PCLAF: variants seen among roughly 807,000 people sequenced by gnomAD.
PCLAF encodes PCNA-associated factor.
A neutral mutation model predicts 15.1 loss-of-function variants in PCLAF; 12 were observed. That is an observed-to-expected ratio of 0.79 (90% confidence interval 0.51 to 1.29). PCLAF has a LOEUF of 1.29. Among genes scored for constraint, PCLAF ranks in the 50% most tolerant of loss-of-function variants. PCLAF has a pLI of 0.00. For synonymous variants in PCLAF, 33 were observed against 47.1 expected (o/e 0.70, Z 1.22); for missense variants, 116 against 130.9 (o/e 0.89, Z 0.56).
At chr15:64,377,470 CAAAAAAAA>C (rs771209859) in intron 2 of PCLAF, among the ~76,000 whole-genome samples, 1 of 914 alleles carries the variant, frequency 1.1e-3, no homozygotes, top group Non-Finnish European at 3.3e-3. Context: ...GACTCTGTCT[CAAAAAAAA>C]AAAAAAAAAA....
chr15:64,376,094 G>A (rs1362331713), intron 3 of PCLAF, among the ~76,000 whole-genome samples: 1 of 152,014 alleles, frequency 6.6e-6, no homozygotes, highest in Non-Finnish European at 1.5e-5. Flanking sequence ...GCGTGGTGGC[G>A]TGTGCCTGTA....
At chr15:64,385,709 G>T (rs1206223506), upstream of PCLAF, among the ~76,000 whole-genome samples, 5 of 152,126 alleles carry the variant, frequency 3.3e-5, no homozygotes, top group Admixed American at 3.3e-4. Context: ...GCCTTTGAGG[G>T]TATTTCCAAA....
chr15:64,380,337 C>G (rs1006238392), intron 2 of PCLAF, among the ~76,000 whole-genome samples: 10 of 151,904 alleles, frequency 6.6e-5, no homozygotes, highest in African/African-American at 2.4e-4. Context: ...GAACCAAGAT[C>G]ACACCGTTGC....
At chr15:64,367,900 CT>C (rs60369821) in intron 3 of PCLAF, among the ~76,000 whole-genome samples, 139,433 of 149,762 alleles carry the variant, frequency 0.93, 65,457 homozygotes, top group East Asian at 1. Context: ...TCAAAAACTA[CT>C]TTTTTTTTTT....
At chr15:64,387,449 C>A (rs1225449365) in exon 1 of PCLAF, 1 of 1,234,320 alleles carries the variant, frequency 8.1e-7, no homozygotes, top group African/African-American at 1.6e-5. Context: ...AAACTTACAG[C>A]GCTTACAATA....
chr15:64,376,443 C>T lies in PCLAF; in HGVS notation c.290+300G>A, dbSNP rs141715677. The stretch of plus-strand genomic sequence containing the variant: ...TGTCCCCCAGACTGGAGGGCAGTGG[C>T]GTGAAAATGAGATACATGTGCATTA... On this transcript the variant is annotated intron_variant, in intron 3 of 3. Transcript: ENST00000300035. Among the ~76,000 whole-genome samples the T allele has an allele frequency of 7.8e-3, 1,183 of 151,960 alleles. 3 individuals are homozygous for T. The highest frequency in any genetic ancestry group is 0.017 in the Middle Eastern group (5 of 294).
At chr15:64,381,246 G>A (rs1203254797) in intron 1 of PCLAF, 80 bp downstream of exon 1, 2 of 1,529,170 alleles carry the variant, frequency 1.3e-6, no homozygotes, top group Non-Finnish European at 9.1e-7. Context: ...GGGCCCAGGG[G>A]GACCTCTGGC....
At chr15:64,374,933 A>C (rs1566965968) in intron 3 of PCLAF, among the ~76,000 whole-genome samples, 1 of 151,940 alleles carries the variant, frequency 6.6e-6, no homozygotes, top group Non-Finnish European at 1.5e-5. Flanking sequence ...AAACTCGGAA[A>C]CTTTTTTTTA....
In PCLAF at chr15:64,381,313, TCGATCGC is replaced by T; in HGVS notation, c.46+6_46+12del. 6.2e-7 allele frequency: 1 copy of T among 1,613,942 alleles called. No individual in the cohort carries two copies. Among genetic ancestry groups the T allele is most frequent in the Non-Finnish European group, 8.5e-7 (1 of 1,179,922 alleles). On this transcript the variant is annotated splice_donor_region_variant and intron_variant, in intron 1 of 3. Coordinates refer to ENST00000300035, the MANE Select transcript of PCLAF (RefSeq NM_014736.6). ...ACCCCCCCGCCCTCCAGTACCACAC[TCGATCGC>T]CTCACCTTTTCTGTAAGTGCCTGGA...
chr15:64,369,064 A>G (rs1899169863), intron 3 of PCLAF, among the ~76,000 whole-genome samples: 1 of 152,160 alleles, frequency 6.6e-6, no homozygotes, highest in Non-Finnish European at 1.5e-5. Flanking sequence ...GCTTTATCCA[A>G]AATGTATCCC....
chr15:64,376,810 C>T lies in PCLAF; in HGVS notation c.223G>A (p.Asp75Asn). 1 of 1,614,038 alleles carries T rather than the reference C, an allele frequency of 6.2e-7. No homozygotes were observed. Among genetic ancestry groups the T allele is most frequent in the Non-Finnish European group, 8.5e-7 (1 of 1,179,956 alleles). ...IGEFFRLSPK[D>N]SEKENQIPEE... ...GGAATCTGATTCTCTTTTTCAGAATCTTTAGGGGACAACCTAAAGAATTCT... is the reference window on the plus strand; with the variant it reads ...GGAATCTGATTCTCTTTTTCAGAATTTTTAGGGGACAACCTAAAGAATTCT... Residue 75 changes from aspartate to asparagine, a missense_variant, in exon 3 of 4, where the codon GAT becomes AAT. Coordinates refer to ENST00000300035, the MANE Select transcript of PCLAF (RefSeq NM_014736.6).
At chr15:64,386,851 G>T (rs1227926554) in intron 1 of PCLAF, among the ~76,000 whole-genome samples, 2 of 152,110 alleles carry the variant, frequency 1.3e-5, no homozygotes, top group Admixed American at 6.6e-5. Flanking sequence ...TAGTAGAAAT[G>T]AAGAACTTTT....
chr15:64,375,193 C>T (rs1056926299), intron 3 of PCLAF, among the ~76,000 whole-genome samples: 27 of 152,074 alleles, frequency 1.8e-4, no homozygotes, highest in Non-Finnish European at 3.2e-4. Flanking sequence ...GGTGCGATCT[C>T]AGCTCACTGC....
In PCLAF at chr15:64,375,314, C is replaced by T. The variant is rs530142579; in HGVS notation, c.290+1429G>A. Among the ~76,000 whole-genome samples the T allele has an allele frequency of 6.4e-4, 97 of 151,950 alleles. 1 individual carries two copies. The highest frequency in any genetic ancestry group is 1.3e-3 in the Non-Finnish European group (87 of 67,992). Reference sequence around the variant, plus strand: ...TAATTTTTTGTATTTTTAGTAGAGACGGGGTTTCACCATGTTGCAGGATGG... The same window carrying T: ...TAATTTTTTGTATTTTTAGTAGAGATGGGGTTTCACCATGTTGCAGGATGG... On this transcript the variant is annotated intron_variant, in intron 3 of 3. Transcript: ENST00000300035.
chr15:64,372,833 T>C (rs1899397503), intron 3 of PCLAF, among the ~76,000 whole-genome samples: 1 of 151,448 alleles, frequency 6.6e-6, no homozygotes, highest in Non-Finnish European at 1.5e-5. Context: ...TAGCTGGATG[T>C]GGTGGCACGT....
chr15:64,371,817 G>A (rs1476488077), intron 3 of PCLAF, among the ~76,000 whole-genome samples: 5 of 151,284 alleles, frequency 3.3e-5, no homozygotes, highest in African/African-American at 7.3e-5. Flanking sequence ...GGATGGTTTC[G>A]AACTCCTGGC....
At chr15:64,370,200 C>T (rs948544947) in intron 3 of PCLAF, among the ~76,000 whole-genome samples, 4 of 150,918 alleles carry the variant, frequency 2.7e-5, no homozygotes, top group African/African-American at 9.8e-5. Context: ...CCTTAACCTC[C>T]AGAGTAGTCA....
chr15:64,365,948 GAACA>G lies in PCLAF; in HGVS notation c.*78_*81del, dbSNP rs1194722430. 15 of 1,200,756 alleles carry G rather than the reference GAACA, an allele frequency of 1.2e-5. No homozygotes were observed. The highest frequency in any genetic ancestry group is 1.8e-5 in the Non-Finnish European group (15 of 818,806). 74.4% of individuals were successfully genotyped at this position (1,200,756 alleles called of 1,614,324 possible). A position where few individuals can be genotyped will look rare whatever the true frequency, so the allele number is the denominator to read the frequency against. ...AATGCCTGTTCAACAAAGCTAATTGGAACAAACACATTTATGTAAATTTACATTC... is the reference window on the plus strand; with the variant it reads ...AATGCCTGTTCAACAAAGCTAATTGGAACACATTTATGTAAATTTACATTC... On this transcript the variant is annotated 3_prime_UTR_variant, in exon 4 of 4. Coordinates refer to ENST00000300035, the MANE Select transcript of PCLAF (RefSeq NM_014736.6).
intron 2 of PCLAF, among the ~76,000 whole-genome samples, chr15:64,377,762 T>G (rs1227373175): frequency 9.7e-5 from 11 of 113,622 alleles, no homozygotes; most frequent in East Asian, 5.4e-4. Flanking sequence ...TTTTTTTTTT[T>G]TTTTTTTTTT....
Sources: allele counts gnomAD v4.1 joint callset (sites outside exome capture counted in the v4.1 genomes callset), GRCh38; gene constraint gnomAD v4.1.1; transcripts MANE v1.5; gene names NCBI Gene and HGNC (gene_info 2026-07-23, HGNC 2026-07-21).